Variants in PLAG1 observed in about 807,000 individuals in gnomAD.
The protein encoded by PLAG1 is zinc finger protein PLAG1.
Under a neutral mutation model 35.5 loss-of-function variants are expected in PLAG1, and 7 were observed. The observed-to-expected ratio is 0.20, with a 90% CI of 0.11 to 0.37. The LOEUF (loss-of-function observed/expected upper bound fraction) is 0.37, where lower values mean the gene tolerates loss of function less well. Among genes scored for constraint, PLAG1 ranks in the 10% least tolerant of loss-of-function variants. The probability of loss-of-function intolerance (pLI) is 1.00; values close to 1 mark genes in which losing one functional copy is unlikely to be tolerated. For missense variants in PLAG1, 454 were observed against 602.8 expected, an observed-to-expected ratio of 0.75 and a Z score of 2.58; for synonymous variants, 229 against 225.4, an observed-to-expected ratio of 1.02 and a Z score of -0.14.
Position 56,168,302 on chromosome 8 carries a change from T to G in PLAG1, c.-33A>C. 1 of 1,580,526 alleles carries G rather than the reference T, an allele frequency of 6.3e-7. No individual in the cohort carries two copies. The highest frequency in any genetic ancestry group is 8.6e-7 in the Non-Finnish European group (1 of 1,161,530). On this transcript the variant is annotated 5_prime_UTR_variant, in exon 4 of 5. Coordinates refer to ENST00000316981, the MANE Select transcript of PLAG1 (RefSeq NM_002655.3). ...TAAACCAGGCCTTCTTGTTGGACAC[T>G]TGGGAACTGCCCAACTCCACTAAAT...
intron 3 of PLAG1, among the ~76,000 whole-genome samples, chr8:56,169,010 T>C (rs1025571905): frequency 1.3e-5 from 2 of 152,302 alleles, no homozygotes; most frequent in Admixed American, 1.3e-4. Context: ...GTAGAAATGA[T>C]TCATCTTCCT....
chr8:56,180,557 A>C (rs1018717093), intron 1 of PLAG1, among the ~76,000 whole-genome samples: 2 of 152,208 alleles, frequency 1.3e-5, no homozygotes, highest in African/African-American at 4.8e-5. Flanking sequence ...TGTGTCCTGA[A>C]TGGTATTGCC....
chr8:56,203,354 T>G (rs759803211), intron 1 of PLAG1, among the ~76,000 whole-genome samples: 10 of 152,130 alleles, frequency 6.6e-5, no homozygotes, highest in African/African-American at 2.2e-4. Context: ...TACTTGATAG[T>G]TTACTTTCAT....
chr8:56,201,265 A>C (rs567111085), intron 1 of PLAG1, among the ~76,000 whole-genome samples: 1 of 152,348 alleles, frequency 6.6e-6, no homozygotes, highest in Non-Finnish European at 1.5e-5. Flanking sequence ...ATCATGTAGA[A>C]TTACATTGTT....
intron 1 of PLAG1, among the ~76,000 whole-genome samples, chr8:56,194,409 T>C (rs1398817966): frequency 1.3e-5 from 2 of 151,018 alleles, no homozygotes; most frequent in Non-Finnish European, 2.9e-5. Context: ...TTTTAACTAA[T>C]AAAGGTGGAG....
At chr8:56,185,096 T>C (rs1429044762) in intron 1 of PLAG1, among the ~76,000 whole-genome samples, 4 of 151,988 alleles carry the variant, frequency 2.6e-5, no homozygotes, top group South Asian at 2.1e-4. Context: ...ATGAAAGAAG[T>C]TGGGCAAAAC....
chr8:56,180,542 A>C (rs1178695325), intron 1 of PLAG1, among the ~76,000 whole-genome samples: 2 of 152,188 alleles, frequency 1.3e-5, no homozygotes. Context: ...GTCTTTGCCC[A>C]TGCCTGTGTC....
chr8:56,169,915 C>T (rs145052506), intron 3 of PLAG1, among the ~76,000 whole-genome samples: 1 of 152,302 alleles, frequency 6.6e-6, no homozygotes, highest in African/African-American at 2.4e-5. Context: ...CTTATATCAC[C>T]TGTGTTTTGG....
In PLAG1 at chr8:56,165,652, A is replaced by G; in HGVS notation, c.*591T>C. The G allele has an allele frequency of 5.0e-6, 1 of 198,842 alleles. No individual in the cohort carries two copies. Among genetic ancestry groups the G allele is most frequent in the Non-Finnish European group, 1.0e-5 (1 of 96,066 alleles). 12.3% of individuals were successfully genotyped at this position (198,842 alleles called of 1,614,324 possible). A position where few individuals can be genotyped will look rare whatever the true frequency, so the allele number is the denominator to read the frequency against. Reference sequence around the variant, plus strand: ...TTTTCCTTAAAGGCTCATAATAAAGATGGCAAATATTTTAGCCAGACAACA... The same window carrying G: ...TTTTCCTTAAAGGCTCATAATAAAGGTGGCAAATATTTTAGCCAGACAACA... On this transcript the variant is annotated 3_prime_UTR_variant, in exon 5 of 5. Coordinates refer to ENST00000316981, the MANE Select transcript of PLAG1 (RefSeq NM_002655.3).
At chr8:56,187,792 T>C (rs1812064840) in intron 1 of PLAG1, among the ~76,000 whole-genome samples, 1 of 152,164 alleles carries the variant, frequency 6.6e-6, no homozygotes, top group African/African-American at 2.4e-5. Context: ...TTTGGTGAAG[T>C]AGCATACTTC....
rs190820990 is a variant in PLAG1 at position 56,197,007 on chromosome 8, G to A, written c.-322+14114C>T. The stretch of plus-strand genomic sequence containing the variant: ...GTGTGTGCTCCTCTCTCCCCTCCAG[G>A]GCTGTGTATGTTTGTGGATCTCTGG... On this transcript the variant is annotated intron_variant, in intron 1 of 4. Transcript: ENST00000316981. Among the ~76,000 whole-genome samples the A allele has an allele frequency of 2.7e-3, 405 of 147,430 alleles. 2 individuals carry two copies. The highest frequency in any genetic ancestry group is 9.7e-3 in the African/African-American group (385 of 39,804).
intron 1 of PLAG1, among the ~76,000 whole-genome samples, chr8:56,185,115 C>T (rs1210321814): frequency 1.3e-5 from 2 of 152,136 alleles, no homozygotes; most frequent in Non-Finnish European, 2.9e-5. Flanking sequence ...ACAAAGAGTA[C>T]ATACTGCACG....
intron 1 of PLAG1, among the ~76,000 whole-genome samples, chr8:56,182,070 T>C (rs979984649): frequency 6.6e-6 from 1 of 152,168 alleles, no homozygotes; most frequent in Non-Finnish European, 1.5e-5. Flanking sequence ...CGGATTCAGA[T>C]GAGAAAAGTG....
intron 1 of PLAG1, among the ~76,000 whole-genome samples, chr8:56,190,962 G>A (rs1739612053): frequency 6.6e-6 from 1 of 152,182 alleles, no homozygotes; most frequent in African/African-American, 2.4e-5. Flanking sequence ...GCAAGGGCAG[G>A]CATGGGAAAT....
intron 1 of PLAG1, among the ~76,000 whole-genome samples, chr8:56,210,339 T>C (rs2129237324): frequency 6.6e-6 from 1 of 152,124 alleles, no homozygotes; most frequent in East Asian, 1.9e-4. Flanking sequence ...TGGTTGTTTA[T>C]GATACTGACA....
chr8:56,198,265 C>T (rs73596219), intron 1 of PLAG1, among the ~76,000 whole-genome samples: 4,129 of 152,300 alleles, frequency 0.027, 79 homozygotes, highest in African/African-American at 0.051. Context: ...AGCTGCATAC[C>T]CACGCATGGT....
At chr8:56,199,016 G>C (rs1365933716) in intron 1 of PLAG1, among the ~76,000 whole-genome samples, 1 of 152,194 alleles carries the variant, frequency 6.6e-6, no homozygotes, top group Admixed American at 6.5e-5. Flanking sequence ...AAAGAGACAT[G>C]GAGGCCCTAG....
intron 1 of PLAG1, among the ~76,000 whole-genome samples, chr8:56,181,198 C>T (rs111403049): frequency 0.055 from 8,355 of 152,176 alleles, 798 homozygotes; most frequent in African/African-American, 0.19. Flanking sequence ...ACCATTTGAC[C>T]CAGCAATCCC....
At chr8:56,196,927 G>A in intron 1 of PLAG1, among the ~76,000 whole-genome samples, 1 of 148,192 alleles carries the variant, frequency 6.7e-6, no homozygotes. Context: ...ATGGGGTGCA[G>A]GCACCCTCTC....
Sources: allele counts gnomAD v4.1 joint callset (sites outside exome capture counted in the v4.1 genomes callset), GRCh38; gene constraint gnomAD v4.1.1; transcripts MANE v1.5; gene names NCBI Gene and HGNC (gene_info 2026-07-23, HGNC 2026-07-21).